MSRA: variants seen among roughly 807,000 people sequenced by gnomAD.
MSRA encodes the protein methionine sulfoxide reductase A, also known as mitochondrial peptide methionine sulfoxide reductase.
Under a neutral mutation model 31.3 loss-of-function variants are expected in MSRA, and 54 were observed. The ratio of observed to expected loss-of-function variants is 1.73; its 90% CI spans 1.39 to 2.17. The LOEUF (loss-of-function observed/expected upper bound fraction) is 2.17. Among genes scored for constraint, MSRA ranks in the 30% most tolerant of loss-of-function variants. The pLI is 0.00. For synonymous variants in MSRA, 169 were observed against 116.5 expected (o/e 1.45, Z -2.90); for missense variants, 507 against 300.9 (o/e 1.69, Z -5.07).
At chr8:10,054,972 C>T (rs1028119049) in intron 1 of MSRA, among the ~76,000 whole-genome samples, 1 of 152,192 alleles carries the variant, frequency 6.6e-6, no homozygotes, top group African/African-American at 2.4e-5. Context: ...AGGAAATGTG[C>T]CGCTGGGGTC....
chr8:10,095,762 T>A (rs1387541434), intron 1 of MSRA: 2 of 1,155,094 alleles, frequency 1.7e-6, no homozygotes, highest in Non-Finnish European at 2.1e-6. Flanking sequence ...TTGGGCTATT[T>A]GAAAGTGTTG....
intron 5 of MSRA, among the ~76,000 whole-genome samples, chr8:10,405,170 C>G (rs1807724913): frequency 6.6e-6 from 1 of 152,200 alleles, no homozygotes; most frequent in South Asian, 2.1e-4. Context: ...CCACAGTGAC[C>G]ATGTGCCAGG....
At chr8:10,283,680 G>T (rs146980565) in intron 3 of MSRA, among the ~76,000 whole-genome samples, 2,475 of 151,138 alleles carry the variant, frequency 0.016, 44 homozygotes, top group African/African-American at 0.045. Context: ...TTATGAGTGA[G>T]AACATACAAT....
chr8:10,247,845 C>G (rs1394435603), intron 3 of MSRA, among the ~76,000 whole-genome samples: 1 of 152,144 alleles, frequency 6.6e-6, no homozygotes, highest in African/African-American at 2.4e-5. Flanking sequence ...ATAGAAAGGT[C>G]CCTCTGGCAC....
intron 1 of MSRA, among the ~76,000 whole-genome samples, chr8:10,183,083 G>C (rs1806686728): frequency 6.6e-6 from 1 of 152,158 alleles, no homozygotes; most frequent in Non-Finnish European, 1.5e-5. Flanking sequence ...TGCTATAGCT[G>C]ACCATGTTAG....
chr8:10,157,824 C>T (rs1294986781), intron 1 of MSRA, among the ~76,000 whole-genome samples: 1 of 152,082 alleles, frequency 6.6e-6, no homozygotes, highest in Non-Finnish European at 1.5e-5. Context: ...CTCTTCCCTT[C>T]CCTCTCTCCA....
chr8:10,363,995 A>AG (rs1271346379), intron 5 of MSRA, among the ~76,000 whole-genome samples: 1 of 152,198 alleles, frequency 6.6e-6, no homozygotes, highest in African/African-American at 2.4e-5. Context: ...GGGTGGGAGT[A>AG]GGGGTCAGAG....
At chr8:10,202,440 G>A (rs531842548) in intron 1 of MSRA, among the ~76,000 whole-genome samples, 49 of 152,324 alleles carry the variant, frequency 3.2e-4, no homozygotes, top group Non-Finnish European at 5.6e-4. Context: ...TTATCACAGT[G>A]TAGAAATGAG....
chr8:10,076,377 G>C (rs1419704167), intron 1 of MSRA, among the ~76,000 whole-genome samples: 1 of 152,214 alleles, frequency 6.6e-6, no homozygotes, highest in African/African-American at 2.4e-5. Flanking sequence ...CTAAGCTGTA[G>C]GTGCACATGG....
chr8:10,215,752 C>G (rs1809933734), intron 2 of MSRA, among the ~76,000 whole-genome samples: 1 of 152,158 alleles, frequency 6.6e-6, no homozygotes, highest in Non-Finnish European at 1.5e-5. Flanking sequence ...TACTATATTT[C>G]TCTTTTGGCC....
chr8:10,319,756 C>A, intron 4 of MSRA, 127 bp from the exon 5 acceptor site: 1 of 450,190 alleles, frequency 2.2e-6, no homozygotes, highest in Non-Finnish European at 3.9e-6. Context: ...TTAAAACAAG[C>A]ACTTAGCAAC....
intron 5 of MSRA, among the ~76,000 whole-genome samples, chr8:10,375,338 G>T (rs540282502): frequency 6.6e-6 from 1 of 152,286 alleles, no homozygotes; most frequent in East Asian, 1.9e-4. Context: ...ACCACATAAG[G>T]ACAGCTGGTA....
rs187953894 is a variant in MSRA at position 10,311,469 on chromosome 8, A to C, written c.437-8414A>C. Among the ~76,000 whole-genome samples the C allele has an allele frequency of 2.6e-4, 36 of 140,992 alleles. No homozygotes were observed. In the East Asian group the frequency reaches 7.8e-3, roughly 30 times the overall value. 92.5% of individuals were successfully genotyped at this position (140,992 alleles called of 152,430 possible). A position where few individuals can be genotyped will look rare whatever the true frequency, so the allele number is the denominator to read the frequency against. On this transcript the variant is annotated intron_variant, in intron 4 of 5. Coordinates refer to ENST00000317173, the MANE Select transcript of MSRA (RefSeq NM_012331.5). Reference sequence around the variant, plus strand: ...GTGGACATAAGATGCTGTACCCCACACCTGGGGGGGCGCCTTCTTCTCAAT... The same window carrying C: ...GTGGACATAAGATGCTGTACCCCACCCCTGGGGGGGCGCCTTCTTCTCAAT...
intron 1 of MSRA, among the ~76,000 whole-genome samples, chr8:10,063,983 A>C (rs1275385283): frequency 6.6e-6 from 1 of 152,130 alleles, no homozygotes; most frequent in Admixed American, 6.5e-5. Context: ...GATTGCTCTT[A>C]GAGTTGGAGC....
At chr8:10,188,457 T>C (rs1208504699) in intron 1 of MSRA, among the ~76,000 whole-genome samples, 1 of 152,200 alleles carries the variant, frequency 6.6e-6, no homozygotes, top group Non-Finnish European at 1.5e-5. Context: ...AGAAAGTATT[T>C]AGTTTTCAGT....
At chr8:10,219,828 A>T (rs965841435) in intron 2 of MSRA, among the ~76,000 whole-genome samples, 47 of 147,582 alleles carry the variant, frequency 3.2e-4, no homozygotes, top group Non-Finnish European at 6.4e-4. Context: ...AAAAAAAAAA[A>T]GATATTTGTT....
At chr8:10,349,281 A>C (rs924710523) in intron 5 of MSRA, among the ~76,000 whole-genome samples, 1 of 152,226 alleles carries the variant, frequency 6.6e-6, no homozygotes, top group Non-Finnish European at 1.5e-5. Flanking sequence ...CAACCATTTC[A>C]AACAGTTTTA....
chr8:10,396,469 T>C (rs1487921069), intron 5 of MSRA, among the ~76,000 whole-genome samples: 1 of 152,218 alleles, frequency 6.6e-6, no homozygotes, highest in Non-Finnish European at 1.5e-5. Context: ...AAAAATGAGA[T>C]AGAAAATGGA....
intron 1 of MSRA, among the ~76,000 whole-genome samples, chr8:10,142,517 C>T (rs1802805532): frequency 6.6e-6 from 1 of 152,202 alleles, no homozygotes; most frequent in Admixed American, 6.5e-5. Context: ...GTTTTCAGAG[C>T]AGTAGCATTT....
Sources: gnomAD v4.1 joint callset for allele counts (sites outside exome capture counted in the v4.1 genomes callset) on GRCh38, gnomAD v4.1.1 for gene constraint, MANE v1.5 for transcripts, NCBI Gene and HGNC (gene_info 2026-07-23, HGNC 2026-07-21) for gene names.